ARHGAP15: variants seen among roughly 807,000 people sequenced by gnomAD.
ARHGAP15 encodes Rho GTPase activating protein 15.
In ARHGAP15, 51 loss-of-function variants were observed where a neutral mutation model predicts 63.7. That is an observed-to-expected ratio of 0.80 (90% confidence interval 0.64 to 1.01). The LOEUF (loss-of-function observed/expected upper bound fraction) is 1.01. Among genes scored for constraint, ARHGAP15 ranks in the 50% least tolerant of loss-of-function variants. ARHGAP15 has a pLI of 0.00. For synonymous variants in ARHGAP15, 191 were observed against 193.8 expected, an observed-to-expected ratio of 0.99 and a Z score of 0.12; for missense variants, 560 against 564.6, an observed-to-expected ratio of 0.99 and a Z score of 0.08.
rs993294858 is a variant in ARHGAP15, at chr2:143,187,902, C to T, written c.166-14232C>T. 2.0e-5 allele frequency among the ~76,000 whole-genome samples: 3 copies of T among 152,244 alleles called. No homozygotes were observed. The East Asian group carries it at 5.8e-4, about 29-fold the overall frequency. ...TTAAAATGATACATTACATTGTAAT[C>T]AATATTTATGTTTATTAAAGTTATA... On this transcript the variant is annotated intron_variant, in intron 2 of 13. Coordinates refer to ENST00000295095, the MANE Select transcript of ARHGAP15 (RefSeq NM_018460.4).
chr2:143,753,243 G>A (rs1686448585), intron 13 of ARHGAP15, among the ~76,000 whole-genome samples: 1 of 152,190 alleles, frequency 6.6e-6, no homozygotes, highest in South Asian at 2.1e-4. Flanking sequence ...GAAGATAGCT[G>A]GCAGCCATCA....
At chr2:143,654,011 T>A (rs1681305149) in intron 12 of ARHGAP15, among the ~76,000 whole-genome samples, 1 of 152,122 alleles carries the variant, frequency 6.6e-6, no homozygotes, top group Non-Finnish European at 1.5e-5. Context: ...ACGTGTATAT[T>A]TAGAGAATGC....
At chr2:143,519,816 A>G (rs1019902438) in intron 10 of ARHGAP15, among the ~76,000 whole-genome samples, 2 of 152,228 alleles carry the variant, frequency 1.3e-5, no homozygotes, top group African/African-American at 4.8e-5. Flanking sequence ...TGTTCAGTAC[A>G]GAATACGCTA....
At chr2:143,456,958 TATA>T (rs1240188788) in intron 8 of ARHGAP15, among the ~76,000 whole-genome samples, 3 of 151,926 alleles carry the variant, frequency 2.0e-5, no homozygotes, top group Non-Finnish European at 2.9e-5. Context: ...GAAATTAATA[TATA>T]ATAAAAATTA....
intron 6 of ARHGAP15, among the ~76,000 whole-genome samples, chr2:143,397,987 CCT>C (rs1320847311): frequency 2.6e-5 from 4 of 151,756 alleles, no homozygotes; most frequent in African/African-American, 7.3e-5. Flanking sequence ...CTCCTCTCTG[CCT>C]TGAAATGTTT....
chr2:143,337,101 A>G (rs1684808276), intron 6 of ARHGAP15, among the ~76,000 whole-genome samples: 3 of 152,028 alleles, frequency 2.0e-5, no homozygotes, highest in Admixed American at 2.0e-4. Context: ...GGTGAGGTGG[A>G]AAGGGCAGAA....
At chr2:143,579,671 T>TA (rs1696813797) in intron 11 of ARHGAP15, among the ~76,000 whole-genome samples, 1 of 150,572 alleles carries the variant, frequency 6.6e-6, no homozygotes, top group Admixed American at 6.6e-5. Flanking sequence ...CCACTTAGTA[T>TA]AAATCAGCCA....
intron 9 of ARHGAP15, among the ~76,000 whole-genome samples, chr2:143,512,188 G>A (rs1472476307): frequency 6.6e-6 from 1 of 152,164 alleles, no homozygotes; most frequent in Non-Finnish European, 1.5e-5. Flanking sequence ...TGGCAGCATA[G>A]CGTCTAGAAG....
At chr2:143,671,683 C>T (rs1292165841) in intron 12 of ARHGAP15, among the ~76,000 whole-genome samples, 2 of 152,114 alleles carry the variant, frequency 1.3e-5, no homozygotes. Flanking sequence ...TGTACTGTAC[C>T]TTCAGTTCGT....
chr2:143,657,392 C>G (rs1254587403), intron 12 of ARHGAP15, among the ~76,000 whole-genome samples: 1 of 152,124 alleles, frequency 6.6e-6, no homozygotes, highest in African/African-American at 2.4e-5. Context: ...AAATGAAATA[C>G]TATGTTTATG....
intron 6 of ARHGAP15, among the ~76,000 whole-genome samples, chr2:143,259,548 A>C (rs1680608812): frequency 6.6e-6 from 1 of 152,220 alleles, no homozygotes. Context: ...TGCATTATTC[A>C]TAAAAGCATT....
chr2:143,743,249 G>C (rs953698498), intron 13 of ARHGAP15, among the ~76,000 whole-genome samples: 1 of 152,116 alleles, frequency 6.6e-6, no homozygotes, highest in Non-Finnish European at 1.5e-5. Context: ...TCTAAAATGG[G>C]AATAATAGTA....
chr2:143,487,630 C>A, intron 9 of ARHGAP15, 135 bp downstream of exon 9: 1 of 1,023,008 alleles, frequency 9.8e-7, no homozygotes, highest in Non-Finnish European at 1.3e-6. Context: ...TACTCTGTAA[C>A]AGAGAAAAGA....
chr2:143,456,279 A>G (rs1225722626), intron 8 of ARHGAP15, among the ~76,000 whole-genome samples: 2 of 152,156 alleles, frequency 1.3e-5, no homozygotes, highest in Non-Finnish European at 2.9e-5. Context: ...AACAGTCCAT[A>G]CAACTTGCAG....
chr2:143,509,496 C>A (rs1306654076), intron 9 of ARHGAP15, among the ~76,000 whole-genome samples: 1 of 152,172 alleles, frequency 6.6e-6, no homozygotes, highest in Admixed American at 6.5e-5. Context: ...AACGCAGTAC[C>A]TCCTGAAGCA....
chr2:143,605,234 T>G (rs1697942662), intron 11 of ARHGAP15, among the ~76,000 whole-genome samples: 1 of 152,154 alleles, frequency 6.6e-6, no homozygotes, highest in African/African-American at 2.4e-5. Context: ...ATTTTTTGAC[T>G]AAATGCTCAC....
rs572709161 is a variant in ARHGAP15, at chr2:143,463,064, G to T, written c.704-24309G>T. Among the ~76,000 whole-genome samples the T allele has an allele frequency of 1.1e-4, 16 of 152,084 alleles. No individual in the cohort carries two copies. In the Middle Eastern group the frequency reaches 0.01, roughly 97 times the overall value. On this transcript the variant is annotated intron_variant, in intron 8 of 13. Transcript: ENST00000295095. Reference sequence around the variant, plus strand: ...AAATTCATAAACTTTCTTGAAACATGAGATATTTTTGTGATTTTTTTATTT... The same window carrying T: ...AAATTCATAAACTTTCTTGAAACATTAGATATTTTTGTGATTTTTTTATTT...
intron 6 of ARHGAP15, among the ~76,000 whole-genome samples, chr2:143,253,303 T>A (rs1355897779): frequency 6.6e-6 from 1 of 151,966 alleles, no homozygotes; most frequent in African/African-American, 2.4e-5. Context: ...AACAAAAAAT[T>A]GTATGTGCCT....
chr2:143,239,501 T>G (rs1365252666), intron 5 of ARHGAP15, among the ~76,000 whole-genome samples: 2 of 152,194 alleles, frequency 1.3e-5, no homozygotes, highest in Non-Finnish European at 2.9e-5. Context: ...TCTGCTTCTA[T>G]GAGTTTGACG....
Sources: gnomAD v4.1 joint callset for allele counts (sites outside exome capture counted in the v4.1 genomes callset) on GRCh38, gnomAD v4.1.1 for gene constraint, MANE v1.5 for transcripts, NCBI Gene and HGNC (gene_info 2026-07-23, HGNC 2026-07-21) for gene names.